LYPLAL1: variants seen among roughly 807,000 people sequenced by gnomAD.
LYPLAL1 encodes lysophospholipase like 1, also known as lysophospholipase-like protein 1.
A neutral mutation model predicts 19.7 loss-of-function variants in LYPLAL1; 23 were observed. The observed-to-expected ratio is 1.17, with a 90% CI of 0.84 to 1.65. The LOEUF is 1.65. Ranked by LOEUF, LYPLAL1 falls within the 40% of genes most tolerant of loss-of-function variation. The pLI is 0.00. For missense variants in LYPLAL1, 355 were observed against 279.4 expected (o/e 1.27, Z -1.93); for synonymous variants, 119 against 96.3 (o/e 1.24, Z -1.38).
At chr1:219,397,918 C>T in the LYPLAL1 span, among the ~76,000 whole-genome samples, 1 of 152,160 alleles carries the variant, frequency 6.6e-6, no homozygotes, top group Non-Finnish European at 1.5e-5. Flanking sequence ...GCTGAGAGGT[C>T]TGCTGTTAGT....
At chr1:219,423,404 T>G in the LYPLAL1 span, among the ~76,000 whole-genome samples, 94 of 152,202 alleles carry the variant, frequency 6.2e-4, no homozygotes, top group South Asian at 1.2e-3. Context: ...AGAGGGTGAA[T>G]GTGTTTCGTT....
chr1:219,430,902 C>T, the LYPLAL1 span, among the ~76,000 whole-genome samples: 1 of 152,080 alleles, frequency 6.6e-6, no homozygotes. Context: ...GTCTCAAACT[C>T]CTGGCCTCAA....
At chr1:219,215,131 A>C (rs753187510), downstream of LYPLAL1, among the ~76,000 whole-genome samples, 16 of 152,088 alleles carry the variant, frequency 1.1e-4, no homozygotes, top group Non-Finnish European at 1.9e-4. Context: ...ACTGAAGTAC[A>C]TTCTTTAATA....
At chr1:219,370,595 C>T in the LYPLAL1 span, among the ~76,000 whole-genome samples, 5 of 152,146 alleles carry the variant, frequency 3.3e-5, no homozygotes, top group African/African-American at 4.8e-5. Flanking sequence ...CAAACAACTT[C>T]GGGAGATAGA....
chr1:219,343,921 A>G, the LYPLAL1 span, among the ~76,000 whole-genome samples: 4 of 152,026 alleles, frequency 2.6e-5, no homozygotes, highest in Non-Finnish European at 5.9e-5. Flanking sequence ...TCTTTCCTAA[A>G]GGTGGTATCT....
chr1:219,276,177 G>T, the LYPLAL1 span, among the ~76,000 whole-genome samples: 1 of 150,650 alleles, frequency 6.6e-6, no homozygotes, highest in Non-Finnish European at 1.5e-5. Flanking sequence ...CCCACTTGAA[G>T]AAAAAAAAAC....
At chr1:219,258,694 A>G in the LYPLAL1 span, among the ~76,000 whole-genome samples, 1,641 of 152,086 alleles carry the variant, frequency 0.011, 68 homozygotes, top group East Asian at 0.11. Flanking sequence ...TGCCATCTTT[A>G]CTATATTACT....
chr1:219,209,573 T>G (rs1043306345), intron 3 of LYPLAL1, among the ~76,000 whole-genome samples: 1 of 152,184 alleles, frequency 6.6e-6, no homozygotes, highest in Non-Finnish European at 1.5e-5. Flanking sequence ...AGCAGCAGAC[T>G]TGAAATTAGG....
chr1:219,241,134 C>CTCTCTCTCTCTCTCTATATATATATA, the LYPLAL1 span, among the ~76,000 whole-genome samples: 6 of 44,360 alleles, frequency 1.4e-4, no homozygotes, highest in Admixed American at 3.5e-4. Flanking sequence ...CTCTCTCTCT[C>CTCTCTCTCTCTCTCTATATATATATA]TATATATATA....
chr1:219,178,187 T>C (rs543823666), intron 1 of LYPLAL1, among the ~76,000 whole-genome samples: 1 of 152,366 alleles, frequency 6.6e-6, no homozygotes, highest in Admixed American at 6.5e-5. Flanking sequence ...GCATTTATTG[T>C]TGAACTCCAT....
intron 3 of LYPLAL1, among the ~76,000 whole-genome samples, chr1:219,195,058 A>G (rs1657497517): frequency 6.6e-6 from 1 of 152,074 alleles, no homozygotes; most frequent in Admixed American, 6.6e-5. Flanking sequence ...ACCACTTCCT[A>G]GTTGGCTCAC....
chr1:219,204,031 AAGAG>A (rs1034791353), intron 3 of LYPLAL1, among the ~76,000 whole-genome samples: 7 of 152,274 alleles, frequency 4.6e-5, no homozygotes, highest in Admixed American at 2.6e-4. Context: ...AAACTTTGTT[AAGAG>A]AGAGAGAACT....
At chr1:219,440,880 GA>G in the LYPLAL1 span, among the ~76,000 whole-genome samples, 6 of 152,084 alleles carry the variant, frequency 3.9e-5, no homozygotes, top group Non-Finnish European at 7.4e-5. Context: ...AATCACTGCT[GA>G]CTTCACGAAA....
the LYPLAL1 span, among the ~76,000 whole-genome samples, chr1:219,287,805 G>A: frequency 1.3e-5 from 2 of 152,192 alleles, no homozygotes; most frequent in African/African-American, 2.4e-5. Flanking sequence ...CTTGAATCAC[G>A]TGGGTGGACT....
the LYPLAL1 span, among the ~76,000 whole-genome samples, chr1:219,279,011 G>T: frequency 6.6e-6 from 1 of 152,114 alleles, no homozygotes; most frequent in Non-Finnish European, 1.5e-5. Flanking sequence ...CTGGCCTCGG[G>T]CATGAAAAAG....
At chr1:219,352,961 C>T in the LYPLAL1 span, among the ~76,000 whole-genome samples, 1 of 152,210 alleles carries the variant, frequency 6.6e-6, no homozygotes, top group Non-Finnish European at 1.5e-5. Context: ...CAAAACTAAA[C>T]GTTGACTTCT....
the LYPLAL1 span, among the ~76,000 whole-genome samples, chr1:219,342,527 G>A: frequency 1.3e-5 from 2 of 151,886 alleles, no homozygotes; most frequent in Non-Finnish European, 2.9e-5. Flanking sequence ...CTCTGACCCA[G>A]GAGTCTCGTG....
the LYPLAL1 span, among the ~76,000 whole-genome samples, chr1:219,419,778 C>G: frequency 6.6e-6 from 1 of 152,098 alleles, no homozygotes; most frequent in African/African-American, 2.4e-5. Flanking sequence ...AGGACATCAC[C>G]AACAATAGCA....
the LYPLAL1 span, among the ~76,000 whole-genome samples, chr1:219,388,953 C>T: frequency 3.0e-4 from 45 of 152,224 alleles, no homozygotes; most frequent in African/African-American, 1.0e-3. Context: ...GACTAGAATA[C>T]ACAGCTACTC....
Sources: allele counts gnomAD v4.1 joint callset (sites outside exome capture counted in the v4.1 genomes callset), GRCh38; gene constraint gnomAD v4.1.1; transcripts MANE v1.5; gene names NCBI Gene and HGNC (gene_info 2026-07-23, HGNC 2026-07-21).